The following AGAP1 variants were observed in gnomAD, a reference collection of about 807,000 sequenced individuals.
AGAP1 encodes the protein ArfGAP with GTPase domain, ankyrin repeat and PH domain 1.
A neutral mutation model predicts 105.3 loss-of-function variants in AGAP1; 29 were observed. That is an observed-to-expected ratio of 0.28 (90% CI 0.21 to 0.38). The LOEUF (loss-of-function observed/expected upper bound fraction) is 0.38, where lower values mean the gene tolerates loss of function less well. Ranked by LOEUF, AGAP1 falls within the 10% of genes least tolerant of loss-of-function variation. The pLI, the probability that AGAP1 is intolerant of heterozygous loss-of-function variation, is 1.00. For synonymous variants in AGAP1, 509 were observed against 485.9 expected (o/e 1.05, Z -0.63); for missense variants, 998 against 1,165.1 (o/e 0.86, Z 2.09).
rs930433292 is a variant in AGAP1 at position 236,121,712 on chromosome 2, C to T, written c.2370+1265C>T. Among the ~76,000 whole-genome samples the T allele has an allele frequency of 1.3e-5, 2 of 152,314 alleles. No individual in the cohort carries two copies. The highest frequency in any genetic ancestry group is 4.1e-4 in the South Asian group (2 of 4,828). ...TGAGTCATACATGTGATGTAATGCA[C>T]ATTAAATAAGAGTTGTGTGTAGTGT... On this transcript the variant is annotated intron_variant, in intron 17 of 17. Coordinates refer to ENST00000304032, the MANE Select transcript of AGAP1 (RefSeq NM_001037131.3). The surrounding 1 kb of genome is among the most constrained non-coding windows in gnomAD (Gnocchi z 4.9).
Position 236,051,230 on chromosome 2 carries a change from G to A in AGAP1, c.2114+1949G>A, listed in dbSNP as rs756594616. On this transcript the variant is annotated intron_variant, in intron 16 of 17. Coordinates refer to ENST00000304032, the MANE Select transcript of AGAP1 (RefSeq NM_001037131.3). This position sits in a 1 kb window ranked among gnomAD's most constrained non-coding sequence, Gnocchi z 5.9. ...TGCACCTAAGAAGATAAACACATACGAGAACTGAATATTTCTTTGTGCCTG... is the reference window on the plus strand; with the variant it reads ...TGCACCTAAGAAGATAAACACATACAAGAACTGAATATTTCTTTGTGCCTG... Among the ~76,000 whole-genome samples, 36 of 152,334 alleles carry A rather than the reference G, an allele frequency of 2.4e-4. No individual in the cohort carries two copies. Among genetic ancestry groups the A allele is most frequent in the African/African-American group, 7.7e-4 (32 of 41,570 alleles).
At chr2:235,802,931 T>TGTGATGGTGGTGGTGATGGTTGTG (rs1157755422) in intron 8 of AGAP1, among the ~76,000 whole-genome samples, 9 of 6,590 alleles carry the variant, frequency 1.4e-3, no homozygotes, top group African/African-American at 2.6e-3. Flanking sequence ...TGGTTGTGGT[T>TGTGATGGTGGTGGTGATGGTTGTG]ATGATGGTTG....
chr2:235,961,259 T>C lies in AGAP1; in HGVS notation c.1484-7203T>C, dbSNP rs967833294. Among the ~76,000 whole-genome samples the C allele has an allele frequency of 3.3e-5, 5 of 152,214 alleles. No homozygotes were observed. Among genetic ancestry groups the C allele is most frequent in the South Asian group, 2.1e-4 (1 of 4,836 alleles). ...CAGTGGCCAGCTTGGGGAAGGCCTC[T>C]CTTGGGGCTTCCTCCTTTGGCTCCT... On this transcript the variant is annotated intron_variant, in intron 12 of 17. Coordinates refer to ENST00000304032, the MANE Select transcript of AGAP1 (RefSeq NM_001037131.3). The surrounding 1 kb of genome is among the most constrained non-coding windows in gnomAD (Gnocchi z 5.9).
intron 1 of AGAP1, among the ~76,000 whole-genome samples, chr2:235,539,677 A>G (rs912549461): frequency 3.3e-5 from 5 of 152,078 alleles, no homozygotes; most frequent in African/African-American, 1.2e-4. Context: ...TGGAATCTAG[A>G]TCAACTCACC....
Position 236,113,333 on chromosome 2 carries a change from G to T in AGAP1, c.2115-6859G>T, listed in dbSNP as rs1047108738. On this transcript the variant is annotated intron_variant, in intron 16 of 17. Transcript: ENST00000304032. The surrounding 1 kb of genome is among the most constrained non-coding windows in gnomAD (Gnocchi z 4.3). Reference sequence around the variant, plus strand: ...TTTTTGTATTTTTAGTAGAGATGGGGTTTTACCATGTTGGCCAGGCTGGTG... The same window carrying T: ...TTTTTGTATTTTTAGTAGAGATGGGTTTTTACCATGTTGGCCAGGCTGGTG... Among the ~76,000 whole-genome samples the T allele has an allele frequency of 6.6e-6, 1 of 152,160 alleles. No homozygotes were observed. The highest frequency in any genetic ancestry group is 6.5e-5 in the Admixed American group (1 of 15,276).
rs2059903989 is a variant in AGAP1, at chr2:236,121,675, C to A, written c.2370+1228C>A. On this transcript the variant is annotated intron_variant, in intron 17 of 17. Coordinates refer to ENST00000304032, the MANE Select transcript of AGAP1 (RefSeq NM_001037131.3). This position sits in a 1 kb window ranked among gnomAD's most constrained non-coding sequence, Gnocchi z 4.9. Reference sequence around the variant, plus strand: ...ACTACACCAAAATCACACAGATACTCCCTTTTGCTCATGAGTCATACATGT... The same window carrying A: ...ACTACACCAAAATCACACAGATACTACCTTTTGCTCATGAGTCATACATGT... Among the ~76,000 whole-genome samples, 1 of 152,182 alleles carries A rather than the reference C, an allele frequency of 6.6e-6. No individual in the cohort carries two copies. Among genetic ancestry groups the A allele is most frequent in the African/African-American group, 2.4e-5 (1 of 41,434 alleles).
rs1944016350 is a variant in AGAP1 at position 235,557,710 on chromosome 2, G to A, written c.163+62861G>A. ...GAACTTGCTGTGGTACACCCAGACA[G>A]CCTGACCCCAGAGTGGGCACTTCAG... On this transcript the variant is annotated intron_variant, in intron 1 of 17. Transcript: ENST00000304032. This position sits in a 1 kb window ranked among gnomAD's most constrained non-coding sequence, Gnocchi z 4.7. Among the ~76,000 whole-genome samples the A allele has an allele frequency of 6.6e-6, 1 of 152,166 alleles. No homozygotes were observed. Among genetic ancestry groups the A allele is most frequent in the Non-Finnish European group, 1.5e-5 (1 of 68,030 alleles).
In AGAP1 at chr2:235,877,396, A is replaced by T. The variant is rs1442764436; in HGVS notation, c.1051-5949A>T. On this transcript the variant is annotated intron_variant, in intron 9 of 17. Coordinates refer to ENST00000304032, the MANE Select transcript of AGAP1 (RefSeq NM_001037131.3). The surrounding 1 kb of genome is among the most constrained non-coding windows in gnomAD (Gnocchi z 4.3). ...CGGCCATCCGTGCCAGGGGTTAGGG[A>T]TGACGGTTGCAGGGCAGGCTCCTTT... 1.3e-5 allele frequency among the ~76,000 whole-genome samples: 2 copies of T among 152,152 alleles called. No homozygotes were observed. Among genetic ancestry groups the T allele is most frequent in the Admixed American group, 1.3e-4 (2 of 15,280 alleles).
Position 235,882,727 on chromosome 2 carries a change from G to A in AGAP1, c.1051-618G>A, listed in dbSNP as rs1424771570. Among the ~76,000 whole-genome samples the A allele has an allele frequency of 2.6e-5, 4 of 152,118 alleles. No individual in the cohort carries two copies. The highest frequency in any genetic ancestry group is 2.1e-4 in the South Asian group (1 of 4,820). On this transcript the variant is annotated intron_variant, in intron 9 of 17. Transcript: ENST00000304032. This position sits in a 1 kb window ranked among gnomAD's most constrained non-coding sequence, Gnocchi z 4.6. The stretch of plus-strand genomic sequence containing the variant: ...TGACCTCAGGTGATCTGCCCACCTC[G>A]GCCTCCCAAAGTTCTGGGATTACAG...
rs955684835 is a variant in AGAP1, at chr2:235,728,823, A to G, written c.310+11179A>G. Among the ~76,000 whole-genome samples, 1 of 152,172 alleles carries G rather than the reference A, an allele frequency of 6.6e-6. No homozygotes were observed. Among genetic ancestry groups the G allele is most frequent in the Admixed American group, 6.5e-5 (1 of 15,278 alleles). On this transcript the variant is annotated intron_variant, in intron 3 of 17. Transcript: ENST00000304032. The surrounding 1 kb of genome is among the most constrained non-coding windows in gnomAD (Gnocchi z 4.3). ...GGAGGAGGGGAAGCCAGCCTGCAGC[A>G]TTGCCCTCTAGACACTAAGAAGAAG...
At chr2:235,564,874 C>A (rs774010897) in intron 1 of AGAP1, among the ~76,000 whole-genome samples, 18 of 148,996 alleles carry the variant, frequency 1.2e-4, no homozygotes, top group Non-Finnish European at 2.2e-4. Flanking sequence ...CCACCCAGGG[C>A]CAGGTGTGAG....
chr2:235,541,020 A>G (rs1387532009), intron 1 of AGAP1, among the ~76,000 whole-genome samples: 2 of 152,224 alleles, frequency 1.3e-5, no homozygotes, highest in Non-Finnish European at 2.9e-5. Flanking sequence ...TATAGTTTTA[A>G]AAAAGGGAGT....
At position 235,988,975 on chromosome 2, in the gene AGAP1, C is replaced by G. The variant is rs900875101; in HGVS notation, c.1645+20352C>G. Among the ~76,000 whole-genome samples the G allele has an allele frequency of 2.0e-5, 3 of 152,124 alleles. No homozygotes were observed. Among genetic ancestry groups the G allele is most frequent in the Non-Finnish European group, 4.4e-5 (3 of 68,032 alleles). On this transcript the variant is annotated intron_variant, in intron 13 of 17. Transcript: ENST00000304032. The surrounding 1 kb of genome is among the most constrained non-coding windows in gnomAD (Gnocchi z 4.7). ...TCGTTGAGTTTTAGTTTAGGTCTTC[C>G]GAGGAATGCACAGACCACACGTTGT... is the stretch of plus-strand genomic sequence containing the variant.
At chr2:236,091,599 C>G (rs1204688389) in intron 16 of AGAP1, among the ~76,000 whole-genome samples, 1 of 152,140 alleles carries the variant, frequency 6.6e-6, no homozygotes, top group East Asian at 1.9e-4. Context: ...TAGCAAGATT[C>G]CGTCTCTACA....
rs2054085909 is a variant in AGAP1, at chr2:235,959,392, T to C, written c.1484-9070T>C. On this transcript the variant is annotated intron_variant, in intron 12 of 17. Coordinates refer to ENST00000304032, the MANE Select transcript of AGAP1 (RefSeq NM_001037131.3). The surrounding 1 kb of genome is among the most constrained non-coding windows in gnomAD (Gnocchi z 7.3). ...TGGAAGCCTAGTGCGTTGTGATTGCTCATATTTTAAACCAGGGGAATGTTA... is the reference window on the plus strand; with the variant it reads ...TGGAAGCCTAGTGCGTTGTGATTGCCCATATTTTAAACCAGGGGAATGTTA... Among the ~76,000 whole-genome samples, 1 of 152,106 alleles carries C rather than the reference T, an allele frequency of 6.6e-6. No individual in the cohort carries two copies. Among genetic ancestry groups the C allele is most frequent in the African/African-American group, 2.4e-5 (1 of 41,402 alleles).
intron 11 of AGAP1, among the ~76,000 whole-genome samples, chr2:235,920,393 T>C (rs1023127863): frequency 2.0e-5 from 3 of 152,228 alleles, no homozygotes; most frequent in African/African-American, 7.2e-5. Context: ...TGTCACCTGC[T>C]GTCAGGCCAT....
rs1178469082 is a variant in AGAP1, at chr2:236,003,576, G to A, written c.1646-32985G>A. Reference sequence around the variant, plus strand: ...CCCCCTGCGCTGCTGCTGCCCGCATGGGGTACCCTTAAGTCCCACATCCAA... The same window carrying A: ...CCCCCTGCGCTGCTGCTGCCCGCATAGGGTACCCTTAAGTCCCACATCCAA... On this transcript the variant is annotated intron_variant, in intron 13 of 17. Coordinates refer to ENST00000304032, the MANE Select transcript of AGAP1 (RefSeq NM_001037131.3). This position sits in a 1 kb window ranked among gnomAD's most constrained non-coding sequence, Gnocchi z 4.2. Among the ~76,000 whole-genome samples, 2 of 152,170 alleles carry A rather than the reference G, an allele frequency of 1.3e-5. No homozygotes were observed. Among genetic ancestry groups the A allele is most frequent in the African/African-American group, 2.4e-5 (1 of 41,444 alleles).
Position 235,946,664 on chromosome 2 carries a change from G to A in AGAP1, c.1483+15741G>A, listed in dbSNP as rs10929154. 2.9e-3 allele frequency among the ~76,000 whole-genome samples: 444 copies of A among 152,278 alleles called. 1 individual carries two copies. Among genetic ancestry groups the A allele is most frequent in the African/African-American group, 0.01 (426 of 41,560 alleles). On this transcript the variant is annotated intron_variant, in intron 12 of 17. Coordinates refer to ENST00000304032, the MANE Select transcript of AGAP1 (RefSeq NM_001037131.3). ...TCTGTGTCCAGAAGTAGGGGACTGG[G>A]GGCCCCTCCAAGGAGAGGCTGGGCA...
intron 11 of AGAP1, among the ~76,000 whole-genome samples, chr2:235,909,978 G>T (rs866591671): frequency 6.6e-6 from 1 of 151,722 alleles, no homozygotes; most frequent in Non-Finnish European, 1.5e-5. Context: ...CCATGATTGC[G>T]CCACTGCACT....
Sources: gnomAD v4.1 joint callset for allele counts (sites outside exome capture counted in the v4.1 genomes callset) on GRCh38, gnomAD v4.1.1 for gene constraint, Gnocchi (gnomAD v3.1) non-coding constraint, MANE v1.5 for transcripts, NCBI Gene and HGNC (gene_info 2026-07-23, HGNC 2026-07-21) for gene names.